CD8B: variants seen among roughly 807,000 people sequenced by gnomAD.
The protein encoded by CD8B is CD8 subunit beta, also known as T-cell surface glycoprotein CD8 beta chain.
A neutral mutation model predicts 24.2 loss-of-function variants in CD8B; 6 were observed. The observed-to-expected ratio is 0.25, with a 90% confidence interval of 0.14 to 0.49. The LOEUF (loss-of-function observed/expected upper bound fraction) is 0.49. CD8B is among the 20% of genes least tolerant of loss of function. CD8B has a pLI of 0.98. For synonymous variants in CD8B, 84 were observed against 108.3 expected (o/e 0.78, Z 1.39); for missense variants, 196 against 271.3 (o/e 0.72, Z 1.95).
At position 86,842,370 on chromosome 2, in the gene CD8B, T is replaced by G. The variant is rs755861690; in HGVS notation, c.621-51A>C. The G allele has an allele frequency of 4.4e-6, 7 of 1,581,730 alleles. No individual in the cohort carries two copies. The African/African-American group carries it at 9.5e-5, about 21-fold the overall frequency. Reference sequence around the variant, plus strand: ...CCACTTATTTTCAGGCAAACGATATTGAATTTCCTGTAACAGAGACAAATG... The same window carrying G: ...CCACTTATTTTCAGGCAAACGATATGGAATTTCCTGTAACAGAGACAAATG... On this transcript the variant is annotated intron_variant, in intron 5 of 5. Coordinates refer to ENST00000390655, the MANE Select transcript of CD8B (RefSeq NM_004931.5).
chr2:86,820,035 T>A (rs1267738197), intron 5 of CD8B, among the ~76,000 whole-genome samples: 3 of 152,042 alleles, frequency 2.0e-5, no homozygotes, highest in African/African-American at 7.2e-5. Flanking sequence ...AGAAGTGGAG[T>A]CTGAAGACGT....
At chr2:86,820,630 T>C (rs1312603264) in intron 5 of CD8B, among the ~76,000 whole-genome samples, 1 of 152,212 alleles carries the variant, frequency 6.6e-6, no homozygotes, top group Non-Finnish European at 1.5e-5. Context: ...AAAAAATGAA[T>C]GTAACTGGCT....
At chr2:86,824,862 A>G (rs557069065) in intron 5 of CD8B, among the ~76,000 whole-genome samples, 1 of 152,302 alleles carries the variant, frequency 6.6e-6, no homozygotes, top group South Asian at 2.1e-4. Context: ...ACCGTTTTTA[A>G]GGTTTGAATA....
chr2:86,849,556 C>T (rs1399094246), intron 3 of CD8B, among the ~76,000 whole-genome samples: 3 of 151,958 alleles, frequency 2.0e-5, no homozygotes, highest in Non-Finnish European at 1.5e-5. Context: ...TGAACAAGCA[C>T]AGGGAATCTT....
chr2:86,830,332 G>A (rs906381650), intron 5 of CD8B, among the ~76,000 whole-genome samples: 1 of 152,132 alleles, frequency 6.6e-6, no homozygotes, highest in African/African-American at 2.4e-5. Context: ...TGTAATCACA[G>A]CACTTTGGCG....
chr2:86,840,472 G>A lies in CD8B; in HGVS notation c.*1835C>T, dbSNP rs1263644398. Reference sequence around the variant, plus strand: ...CCTGGATTGACCACAGACCAAGCACGGGCCATCCCTTCATCCGCATAGGGC... The same window carrying A: ...CCTGGATTGACCACAGACCAAGCACAGGCCATCCCTTCATCCGCATAGGGC... On this transcript the variant is annotated 3_prime_UTR_variant, in exon 6 of 6. Coordinates refer to ENST00000390655, the MANE Select transcript of CD8B (RefSeq NM_004931.5). Among the ~76,000 whole-genome samples, 1 of 152,160 alleles carries A rather than the reference G, an allele frequency of 6.6e-6. No individual in the cohort carries two copies. The highest frequency in any genetic ancestry group is 2.4e-5 in the African/African-American group (1 of 41,436).
intron 1 of CD8B, among the ~76,000 whole-genome samples, chr2:86,861,575 G>T (rs557184734): frequency 1.4e-3 from 214 of 152,214 alleles, no homozygotes; most frequent in Middle Eastern, 6.8e-3. Flanking sequence ...CCCTTCTCCT[G>T]CGTCCAGGCT....
intron 5 of CD8B, among the ~76,000 whole-genome samples, chr2:86,820,970 C>T (rs966912594): frequency 6.6e-6 from 1 of 152,084 alleles, no homozygotes; most frequent in Non-Finnish European, 1.5e-5. Context: ...TTCACTTGCT[C>T]AGAGTCACAC....
At chr2:86,850,646 C>A (rs1214430367) in intron 3 of CD8B, among the ~76,000 whole-genome samples, 1 of 152,140 alleles carries the variant, frequency 6.6e-6, no homozygotes, top group Middle Eastern at 3.2e-3. Flanking sequence ...CAGGGCCACT[C>A]TCCTCAGTGT....
downstream of CD8B, among the ~76,000 whole-genome samples, chr2:86,837,427 TA>T (rs1675220480): frequency 6.6e-6 from 1 of 152,180 alleles, no homozygotes; most frequent in Non-Finnish European, 1.5e-5. Context: ...CTGTTTGAGT[TA>T]TGTAACTGGG....
chr2:86,821,612 A>G (rs1674475354), intron 5 of CD8B: 1 of 272,588 alleles, frequency 3.7e-6, no homozygotes. Context: ...CCCAGAGTTG[A>G]CTGAAGACAC....
intron 1 of CD8B, among the ~76,000 whole-genome samples, chr2:86,859,674 A>G (rs1002699231): frequency 4.0e-5 from 6 of 151,362 alleles, no homozygotes; most frequent in African/African-American, 1.5e-4. Context: ...AACAAACACA[A>G]TCTGACCTGG....
intron 5 of CD8B, among the ~76,000 whole-genome samples, chr2:86,831,125 A>C (rs1674891588): frequency 1.3e-5 from 2 of 152,164 alleles, no homozygotes; most frequent in Non-Finnish European, 1.5e-5. Flanking sequence ...GCTGGAGTGC[A>C]GTGGTGCGAT....
In CD8B at chr2:86,859,175, G is replaced by T. The variant is rs545119760; in HGVS notation, c.44-759C>A. On this transcript the variant is annotated intron_variant, in intron 1 of 5. Coordinates refer to ENST00000390655, the MANE Select transcript of CD8B (RefSeq NM_004931.5). ...AGCAGAGCATGTGGCTGGTCTGTCCGTTGCTGGACAGACCCTGGTAGGTAC... is the reference window on the plus strand; with the variant it reads ...AGCAGAGCATGTGGCTGGTCTGTCCTTTGCTGGACAGACCCTGGTAGGTAC... 2.4e-4 allele frequency among the ~76,000 whole-genome samples: 36 copies of T among 152,044 alleles called. No individual in the cohort carries two copies. In the South Asian group the frequency reaches 7.3e-3, roughly 31 times the overall value.
chr2:86,855,304 C>A (rs1445832181), intron 2 of CD8B, among the ~76,000 whole-genome samples: 1 of 152,186 alleles, frequency 6.6e-6, no homozygotes, highest in Non-Finnish European at 1.5e-5. Flanking sequence ...TGGGAAGAAG[C>A]AACTAGGATG....
At chr2:86,820,290 G>A (rs1042587105) in intron 5 of CD8B, among the ~76,000 whole-genome samples, 2 of 152,230 alleles carry the variant, frequency 1.3e-5, no homozygotes, top group Admixed American at 6.5e-5. Flanking sequence ...CTATCAAACA[G>A]CATCGCATGC....
chr2:86,848,007 C>T (rs1220988650), intron 3 of CD8B, among the ~76,000 whole-genome samples: 1 of 152,184 alleles, frequency 6.6e-6, no homozygotes, highest in East Asian at 1.9e-4. Flanking sequence ...CATCTGACAG[C>T]ATGGATGTAC....
chr2:86,849,973 G>A (rs1239859847), intron 3 of CD8B, among the ~76,000 whole-genome samples: 3 of 151,992 alleles, frequency 2.0e-5, no homozygotes, highest in Non-Finnish European at 4.4e-5. Flanking sequence ...CAAAGTGCTG[G>A]GATTATAGGT....
downstream of CD8B, among the ~76,000 whole-genome samples, chr2:86,833,639 C>CCCTCCCTTCCTTCCTTCCTTCCTT (rs559210826): frequency 6.6e-5 from 5 of 76,012 alleles, 1 homozygote; most frequent in East Asian, 2.6e-4. Flanking sequence ...CTCCCTCCCT[C>CCCTCCCTTCCTTCCTTCCTTCCTT]CCTTCCTTCC....
Sources: gnomAD v4.1 joint callset for allele counts (sites outside exome capture counted in the v4.1 genomes callset) on GRCh38, gnomAD v4.1.1 for gene constraint, MANE v1.5 for transcripts, NCBI Gene and HGNC (gene_info 2026-07-23, HGNC 2026-07-21) for gene names.